Variants in CTNNA3 observed in about 807,000 individuals in gnomAD.
CTNNA3 encodes the protein catenin alpha-3.
A neutral mutation model predicts 95.7 loss-of-function variants in CTNNA3; 76 were observed. That is an observed-to-expected ratio of 0.79 (90% CI 0.66 to 0.96). The LOEUF (loss-of-function observed/expected upper bound fraction) is 0.96. CTNNA3 is among the 40% of genes least tolerant of loss of function. The probability of loss-of-function intolerance (pLI) is 0.00; values close to 1 mark genes in which losing one functional copy is unlikely to be tolerated. For synonymous variants in CTNNA3, 431 were observed against 374.4 expected (o/e 1.15, Z -1.74); for missense variants, 1,191 against 1,089.8 (o/e 1.09, Z -1.31).
chr10:67,689,109 T>C (rs573911581), intron 1 of CTNNA3, among the ~76,000 whole-genome samples: 2 of 152,138 alleles, frequency 1.3e-5, no homozygotes, highest in Admixed American at 1.3e-4. Flanking sequence ...CCTGTTAGTA[T>C]TGGGACCTTA....
chr10:66,122,657 A>T (rs983309471), intron 13 of CTNNA3, among the ~76,000 whole-genome samples: 2 of 152,232 alleles, frequency 1.3e-5, no homozygotes, highest in Non-Finnish European at 2.9e-5. Flanking sequence ...CTGCTGATAA[A>T]GACATACCAA....
intron 7 of CTNNA3, among the ~76,000 whole-genome samples, chr10:66,838,125 A>G (rs1157521849): frequency 6.6e-6 from 1 of 152,154 alleles, no homozygotes; most frequent in Non-Finnish European, 1.5e-5. Flanking sequence ...TCTAGGATAA[A>G]ACTCAAAAGT....
At chr10:66,058,485 A>T (rs1429673473) in intron 15 of CTNNA3, among the ~76,000 whole-genome samples, 2 of 152,126 alleles carry the variant, frequency 1.3e-5, no homozygotes, top group Non-Finnish European at 2.9e-5. Flanking sequence ...GATGAATGCA[A>T]CATTATTTCT....
Position 66,009,839 on chromosome 10 carries a change from A to T in CTNNA3, c.2160-21042T>A, listed in dbSNP as rs144021887. Reference sequence around the variant, plus strand: ...CTCGGTTTTCCCAGAGAATCTGGAGACACAACAGTAGAGAGACTAGCCATG... The same window carrying T: ...CTCGGTTTTCCCAGAGAATCTGGAGTCACAACAGTAGAGAGACTAGCCATG... On this transcript the variant is annotated intron_variant, in intron 15 of 17. Transcript: ENST00000433211. Among the ~76,000 whole-genome samples the T allele has an allele frequency of 1.1e-3, 160 of 152,336 alleles. 1 individual carries two copies. Among genetic ancestry groups the T allele is most frequent in the African/African-American group, 3.5e-3 (144 of 41,580 alleles).
At chr10:67,177,099 C>A (rs2132127650) in intron 7 of CTNNA3, 2 of 400,854 alleles carry the variant, frequency 5.0e-6, no homozygotes, top group Middle Eastern at 5.3e-4. Flanking sequence ...ATAAATTTAA[C>A]AGGACAGTAT....
chr10:67,160,191 G>A, intron 7 of CTNNA3, among the ~76,000 whole-genome samples: 1 of 152,016 alleles, frequency 6.6e-6, no homozygotes. Flanking sequence ...TGTTAGGAAA[G>A]CTATTATCAA....
At chr10:67,217,902 A>G (rs1864458118) in intron 6 of CTNNA3, among the ~76,000 whole-genome samples, 2 of 150,652 alleles carry the variant, frequency 1.3e-5, no homozygotes, top group African/African-American at 2.4e-5. Context: ...CACTAGGGAA[A>G]AATTCAGCAT....
At chr10:67,183,489 T>C (rs1340649930) in intron 6 of CTNNA3, among the ~76,000 whole-genome samples, 3 of 148,366 alleles carry the variant, frequency 2.0e-5, no homozygotes, top group Admixed American at 6.8e-5. Context: ...AATTGAACAA[T>C]GAGAACACAT....
intron 13 of CTNNA3, among the ~76,000 whole-genome samples, chr10:66,247,368 A>G (rs1033202000): frequency 2.6e-5 from 4 of 152,140 alleles, no homozygotes; most frequent in Non-Finnish European, 5.9e-5. Context: ...GGAATTTGCT[A>G]TCCTGAAGAG....
intron 2 of CTNNA3, among the ~76,000 whole-genome samples, chr10:67,644,544 T>C (rs540112777): frequency 2.2e-4 from 33 of 152,138 alleles, no homozygotes; most frequent in African/African-American, 7.5e-4. Flanking sequence ...TTTGTGTTGG[T>C]GGGTTATACA....
At chr10:67,735,807 T>C (rs913969095) in intron 1 of CTNNA3, among the ~76,000 whole-genome samples, 2 of 152,168 alleles carry the variant, frequency 1.3e-5, no homozygotes, top group African/African-American at 2.4e-5. Context: ...TACTTCTAGG[T>C]ATATACCCAA....
intron 13 of CTNNA3, among the ~76,000 whole-genome samples, chr10:66,264,847 C>A (rs555231520): frequency 1.3e-5 from 2 of 152,036 alleles, no homozygotes; most frequent in South Asian, 4.2e-4. Context: ...ACGACATAAT[C>A]CTCTGTCCCA....
At chr10:67,167,092 A>C (rs4601651) in intron 7 of CTNNA3, among the ~76,000 whole-genome samples, 138 of 151,598 alleles carry the variant, frequency 9.1e-4, no homozygotes, top group African/African-American at 3.0e-3. Context: ...GGGTGACAGA[A>C]CGAGACTCCA....
chr10:66,926,261 G>GT (rs754590989), intron 7 of CTNNA3: 6,513 of 391,734 alleles, frequency 0.017, no homozygotes, highest in South Asian at 0.037. Flanking sequence ...GTAGGATCCA[G>GT]TTTTTTTTTT....
intron 13 of CTNNA3, among the ~76,000 whole-genome samples, chr10:66,113,561 C>CAAGAACTTA (rs1479783445): frequency 2.6e-5 from 4 of 152,066 alleles, no homozygotes; most frequent in Admixed American, 2.6e-4. Flanking sequence ...TGACCTAAAA[C>CAAGAACTTA]AAGAACTTAA....
At chr10:66,552,113 C>T (rs1182260482) in intron 10 of CTNNA3, among the ~76,000 whole-genome samples, 1 of 151,860 alleles carries the variant, frequency 6.6e-6, no homozygotes, top group African/African-American at 2.4e-5. Context: ...TCGTGTTAGC[C>T]ACGACGGTCT....
At chr10:66,042,631 A>G (rs7084559) in intron 15 of CTNNA3, among the ~76,000 whole-genome samples, 118,938 of 151,876 alleles carry the variant, frequency 0.78, 46,928 homozygotes, top group South Asian at 0.91. Context: ...CAGGCGCAGC[A>G]GCTCATGCCT....
chr10:66,816,884 T>C (rs747796730), intron 7 of CTNNA3, among the ~76,000 whole-genome samples: 2 of 152,040 alleles, frequency 1.3e-5, no homozygotes, highest in Non-Finnish European at 2.9e-5. Context: ...CATTGGGAAA[T>C]TCACAAATAT....
At chr10:67,646,209 G>T (rs1366951261) in intron 2 of CTNNA3, among the ~76,000 whole-genome samples, 3 of 146,626 alleles carry the variant, frequency 2.0e-5, no homozygotes, top group Non-Finnish European at 3.0e-5. Context: ...TTTAAACAGG[G>T]TCTCACTATG....
Sources: gnomAD v4.1 joint callset for allele counts (sites outside exome capture counted in the v4.1 genomes callset) on GRCh38, gnomAD v4.1.1 for gene constraint, MANE v1.5 for transcripts, NCBI Gene and HGNC (gene_info 2026-07-23, HGNC 2026-07-21) for gene names.